The following GRM5 variants were observed in gnomAD, a reference collection of about 807,000 sequenced individuals.
GRM5 encodes glutamate metabotropic receptor 5, also known as metabotropic glutamate receptor 5.
In GRM5, 19 loss-of-function variants were observed where a neutral mutation model predicts 83.1. The ratio of observed to expected loss-of-function variants is 0.23; its 90% CI spans 0.16 to 0.34. The LOEUF is 0.34. Among genes scored for constraint, GRM5 ranks in the 10% least tolerant of loss-of-function variants. The probability of loss-of-function intolerance (pLI) is 1.00; values close to 1 mark genes in which losing one functional copy is unlikely to be tolerated. For missense variants in GRM5, 1,160 were observed against 1,588.3 expected (o/e 0.73, Z 4.58); for synonymous variants, 675 against 633.6 (o/e 1.07, Z -0.98).
At chr11:88,589,694 G>C (rs1292122093) in intron 7 of GRM5, among the ~76,000 whole-genome samples, 1 of 152,100 alleles carries the variant, frequency 6.6e-6, no homozygotes. Flanking sequence ...TGCCTGCAAG[G>C]CTTTTTTCCT....
rs553664356 is a variant in GRM5, at chr11:88,836,185, G to A, written c.911+13721C>T. On this transcript the variant is annotated intron_variant, in intron 3 of 9. Transcript: ENST00000305447. ...AGGAAGCAAACCTCTCCTGTAAAGG[G>A]TCAGATAGTAAATATTTAAGGATCT... 4.6e-5 allele frequency among the ~76,000 whole-genome samples: 7 copies of A among 152,304 alleles called. No homozygotes were observed. In the East Asian group the frequency reaches 1.3e-3, roughly 29 times the overall value.
chr11:88,791,740 A>G (rs1943177194), intron 3 of GRM5, among the ~76,000 whole-genome samples: 1 of 152,188 alleles, frequency 6.6e-6, no homozygotes, highest in Non-Finnish European at 1.5e-5. Context: ...CAATATTTTA[A>G]AAGCATACAA....
chr11:88,793,956 G>T (rs1943227110), intron 3 of GRM5, among the ~76,000 whole-genome samples: 1 of 152,096 alleles, frequency 6.6e-6, no homozygotes. Context: ...CTCCTGAGTA[G>T]CTGGGACTGA....
intron 8 of GRM5, among the ~76,000 whole-genome samples, chr11:88,550,377 AT>A (rs1367203736): frequency 6.6e-6 from 1 of 152,180 alleles, no homozygotes; most frequent in Admixed American, 6.6e-5. Context: ...AGTAGTTTTC[AT>A]TTGAAGAAAG....
intron 3 of GRM5, among the ~76,000 whole-genome samples, chr11:88,671,786 C>T (rs1940200278): frequency 6.6e-6 from 1 of 151,958 alleles, no homozygotes. Flanking sequence ...TTGGAATGAG[C>T]AAGCTGGAAC....
chr11:89,038,151 T>TTGTGTGTGTGTGTG (rs35505173), intron 2 of GRM5, among the ~76,000 whole-genome samples: 1 of 144,584 alleles, frequency 6.9e-6, no homozygotes, highest in Non-Finnish European at 1.5e-5. Flanking sequence ...TAGAATCTCA[T>TTGTGTGTGTGTGTG]TGTGTGTGTG....
At position 88,536,215 on chromosome 11, in the gene GRM5, A is replaced by G. The variant is rs79515710; in HGVS notation, c.2631-10811T>C. 4.9e-4 allele frequency among the ~76,000 whole-genome samples: 74 copies of G among 152,164 alleles called. No individual in the cohort carries two copies. The East Asian group carries it at 0.014, about 29-fold the overall frequency. ...TATATTGAAGAATTGGCATGGGCTT[A>G]TACATATTTAACAAAAATTGTTTGC... On this transcript the variant is annotated intron_variant, in intron 8 of 9. Coordinates refer to ENST00000305447, the MANE Select transcript of GRM5 (RefSeq NM_001143831.3).
intron 2 of GRM5, among the ~76,000 whole-genome samples, chr11:88,881,798 C>T (rs1204376745): frequency 6.6e-6 from 1 of 152,098 alleles, no homozygotes; most frequent in Non-Finnish European, 1.5e-5. Context: ...CCTTATTGTT[C>T]TGTGAAAATT....
At chr11:88,926,357 G>A (rs531651063) in intron 2 of GRM5, among the ~76,000 whole-genome samples, 8 of 152,264 alleles carry the variant, frequency 5.3e-5, no homozygotes, top group Non-Finnish European at 1.0e-4. Flanking sequence ...CTAGCATGTT[G>A]AAAGATAACA....
chr11:88,524,885 G>T (rs1009560466), intron 9 of GRM5, among the ~76,000 whole-genome samples: 1 of 152,322 alleles, frequency 6.6e-6, no homozygotes, highest in East Asian at 1.9e-4. Context: ...TCAGGGGCTG[G>T]AGTCTTCCTT....
At chr11:88,666,738 C>T (rs1160349033) in intron 3 of GRM5, among the ~76,000 whole-genome samples, 1 of 113,806 alleles carries the variant, frequency 8.8e-6, no homozygotes, top group Non-Finnish European at 1.7e-5. Flanking sequence ...TTCAGATCCT[C>T]TCACTATCAA....
intron 2 of GRM5, among the ~76,000 whole-genome samples, chr11:88,943,362 C>A (rs1332178795): frequency 3.9e-5 from 6 of 152,040 alleles, no homozygotes; most frequent in African/African-American, 1.2e-4. Context: ...CAATTAGCAG[C>A]AATCAGATAA....
intron 3 of GRM5, among the ~76,000 whole-genome samples, chr11:88,709,658 G>C (rs994502103): frequency 6.6e-6 from 1 of 152,078 alleles, no homozygotes; most frequent in African/African-American, 2.4e-5. Context: ...GCACTGGGTG[G>C]CTGGGCTGTT....
At chr11:88,592,365 G>T (rs1314661435) in intron 6 of GRM5, among the ~76,000 whole-genome samples, 2 of 152,128 alleles carry the variant, frequency 1.3e-5, no homozygotes, top group African/African-American at 4.8e-5. Flanking sequence ...GCACATAAAT[G>T]TCCATATACA....
intron 5 of GRM5, among the ~76,000 whole-genome samples, chr11:88,604,224 A>T (rs1938078951): frequency 6.6e-6 from 1 of 152,188 alleles, no homozygotes; most frequent in Admixed American, 6.5e-5. Flanking sequence ...CTTAACAAGG[A>T]AGAAAGTGAT....
At chr11:88,760,671 A>C (rs1052128229) in intron 3 of GRM5, among the ~76,000 whole-genome samples, 1 of 152,166 alleles carries the variant, frequency 6.6e-6, no homozygotes, top group African/African-American at 2.4e-5. Context: ...AACTATTTCA[A>C]AAAATTGAGG....
chr11:89,029,743 A>G (rs1941217095), intron 2 of GRM5, among the ~76,000 whole-genome samples: 1 of 152,130 alleles, frequency 6.6e-6, no homozygotes, highest in Admixed American at 6.6e-5. Flanking sequence ...TTTATTTCCT[A>G]AATGCCTTAT....
chr11:88,509,070 T>C lies in GRM5; in HGVS notation c.3161A>G (p.Gln1054Arg). Residue 1054 changes from glutamine to arginine, a missense_variant, in exon 10 of 10, where the codon CAG becomes CGG. By Grantham distance (43) the Gln-to-Arg change is conservative (BLOSUM62 1). Around this residue, in one of 9 missense-constraint regions of GRM5, gnomAD observed 562 missense variants for 532.4 expected, o/e 1.06. Coordinates refer to ENST00000305447, the MANE Select transcript of GRM5 (RefSeq NM_001143831.3). Reference sequence around the variant, plus strand: ...GCTGATCTGCTCCATGAGGGAGCCCTGCGAGGAGCTGCTGCGCGCCACAGG... The same window carrying C: ...GCTGATCTGCTCCATGAGGGAGCCCCGCGAGGAGCTGCTGCGCGCCACAGG... ...SEPVARSSSS[Q>R]GSLMEQISSV... 6.4e-7 allele frequency: 1 copy of C among 1,552,450 alleles called. No individual in the cohort carries two copies. The highest frequency in any genetic ancestry group is 8.7e-7 in the Non-Finnish European group (1 of 1,148,174).
intron 3 of GRM5, among the ~76,000 whole-genome samples, chr11:88,685,363 G>T (rs1001721434): frequency 1.1e-4 from 17 of 152,316 alleles, no homozygotes; most frequent in Middle Eastern, 3.4e-3. Context: ...CATTCAAAAG[G>T]TGACTTGGGT....
Sources: gnomAD v4.1 joint callset for allele counts (sites outside exome capture counted in the v4.1 genomes callset) on GRCh38, gnomAD v4.1.1 for gene constraint, gnomAD v4.1.1 regional missense constraint, MANE v1.5 for transcripts, NCBI Gene and HGNC (gene_info 2026-07-23, HGNC 2026-07-21) for gene names.